PEX3: variants seen among roughly 807,000 people sequenced by gnomAD.
PEX3 encodes the protein peroxisomal biogenesis factor 3, also known as peroxin-3.
In PEX3, 30 loss-of-function variants were observed where a neutral mutation model predicts 55.8. That is an observed-to-expected ratio of 0.54 (90% CI 0.40 to 0.73). The LOEUF (loss-of-function observed/expected upper bound fraction) is 0.73. Ranked by LOEUF, PEX3 falls within the 30% of genes least tolerant of loss-of-function variation. The pLI is 0.00. For missense variants in PEX3, 351 were observed against 432.8 expected, an observed-to-expected ratio of 0.81 and a Z score of 1.68; for synonymous variants, 135 against 148.4, an observed-to-expected ratio of 0.91 and a Z score of 0.66.
intron 4 of PEX3, 101 bp from the exon 5 acceptor site, chr6:143,470,860 T>G: frequency 1.1e-6 from 1 of 920,270 alleles, no homozygotes; most frequent in Non-Finnish European, 1.7e-6. Flanking sequence ...TGTAAATATG[T>G]TTTTAAAAGT....
intron 2 of PEX3, among the ~76,000 whole-genome samples, chr6:143,461,570 T>C (rs1292387672): frequency 1.4e-5 from 2 of 140,558 alleles, no homozygotes; most frequent in African/African-American, 3.0e-5. Flanking sequence ...TAAGATGTAA[T>C]TGATATACTA....
chr6:143,477,700 T>C (rs1302900037), intron 9 of PEX3, among the ~76,000 whole-genome samples: 2 of 152,166 alleles, frequency 1.3e-5, no homozygotes, highest in Admixed American at 1.3e-4. Context: ...CTAACATTTT[T>C]GAGTGCTTAT....
intron 4 of PEX3, among the ~76,000 whole-genome samples, chr6:143,469,587 G>GA (rs1187926593): frequency 2.0e-5 from 3 of 152,216 alleles, no homozygotes; most frequent in Non-Finnish European, 2.9e-5. Flanking sequence ...CCCTTTGTCA[G>GA]ATGGGTAGAT....
At chr6:143,461,766 G>A (rs1779924071) in intron 2 of PEX3, among the ~76,000 whole-genome samples, 1 of 152,104 alleles carries the variant, frequency 6.6e-6, no homozygotes, top group African/African-American at 2.4e-5. Flanking sequence ...GAGCAACATA[G>A]TGAGACCTCA....
rs1779934494 is a variant in PEX3, at chr6:143,462,405, C to T, written c.206-511C>T. On this transcript the variant is annotated intron_variant, in intron 2 of 11. Coordinates refer to ENST00000367591, the MANE Select transcript of PEX3 (RefSeq NM_003630.3). This position sits in a 1 kb window ranked among gnomAD's most constrained non-coding sequence, Gnocchi z 4.1. ...AACTCAGCAACTCTTAGTTCCTAAC[C>T]CAGTGCACTTTTGTCTAGGTTATAA... Among the ~76,000 whole-genome samples, 1 of 152,122 alleles carries T rather than the reference C, an allele frequency of 6.6e-6. No individual in the cohort carries two copies. The highest frequency in any genetic ancestry group is 2.1e-4 in the South Asian group (1 of 4,814).
chr6:143,463,039 TAA>T lies in PEX3; in HGVS notation c.287+44_287+45del, dbSNP rs1299873839. On this transcript the variant is annotated intron_variant, in intron 3 of 11. Coordinates refer to ENST00000367591, the MANE Select transcript of PEX3 (RefSeq NM_003630.3). The surrounding 1 kb of genome is among the most constrained non-coding windows in gnomAD (Gnocchi z 5.7). ...GCATTTTCTGTTTAAGCACTACACT[TAA>T]AGTTTATAGAATGAACTGATAGACT... is the stretch of plus-strand genomic sequence containing the variant. The T allele has an allele frequency of 5.8e-6, 8 of 1,374,552 alleles. No individual in the cohort carries two copies. 85.1% of individuals were successfully genotyped at this position (1,374,552 alleles called of 1,614,324 possible).
Position 143,453,890 on chromosome 6 carries a change from T to G in PEX3, c.73+2775T>G, listed in dbSNP as rs1021468921. ...ACTGAGCCTGGCATAATTTGACCAG[T>G]TTGTGAAAAGACTAGAGAATTGACT... On this transcript the variant is annotated intron_variant, in intron 1 of 11. Transcript: ENST00000367591. This position sits in a 1 kb window ranked among gnomAD's most constrained non-coding sequence, Gnocchi z 4.6. Among the ~76,000 whole-genome samples, 1 of 152,128 alleles carries G rather than the reference T, an allele frequency of 6.6e-6. No individual in the cohort carries two copies. The highest frequency in any genetic ancestry group is 2.4e-5 in the African/African-American group (1 of 41,422).
rs910548400 is a variant in PEX3, at chr6:143,451,326, C to T, written c.73+211C>T. On this transcript the variant is annotated intron_variant, in intron 1 of 11. Coordinates refer to ENST00000367591, the MANE Select transcript of PEX3 (RefSeq NM_003630.3). The surrounding 1 kb of genome is among the most constrained non-coding windows in gnomAD (Gnocchi z 4.1). ...TCTGTGCCCTTTGCCCTGTCACCGA[C>T]TCTTAACTCTGTTTCTCACCTATCC... 6.6e-6 allele frequency among the ~76,000 whole-genome samples: 1 copy of T among 152,156 alleles called. No individual in the cohort carries two copies. The highest frequency in any genetic ancestry group is 1.9e-4 in the East Asian group (1 of 5,188).
rs1387474916 is a variant in PEX3, at chr6:143,486,542, A to G, written c.1038+1294A>G. Among the ~76,000 whole-genome samples the G allele has an allele frequency of 6.6e-6, 1 of 152,174 alleles. No homozygotes were observed. Among genetic ancestry groups the G allele is most frequent in the Non-Finnish European group, 1.5e-5 (1 of 67,998 alleles). ...TTTACTGTAACTGGATGTATATTAAATGTATATACTAGACCATTGATTGAC... is the reference window on the plus strand; with the variant it reads ...TTTACTGTAACTGGATGTATATTAAGTGTATATACTAGACCATTGATTGAC... On this transcript the variant is annotated intron_variant, in intron 11 of 11. Transcript: ENST00000367591. This position sits in a 1 kb window ranked among gnomAD's most constrained non-coding sequence, Gnocchi z 5.0.
Position 143,464,173 on chromosome 6 carries a change from C to T in PEX3, c.287+1176C>T, listed in dbSNP as rs911085876. On this transcript the variant is annotated intron_variant, in intron 3 of 11. Transcript: ENST00000367591. This position sits in a 1 kb window ranked among gnomAD's most constrained non-coding sequence, Gnocchi z 5.8. Reference sequence around the variant, plus strand: ...AATAAATAATTACCATTTGTGTGTACATAGGTAGGAATTGAAAAGAAGTAG... The same window carrying T: ...AATAAATAATTACCATTTGTGTGTATATAGGTAGGAATTGAAAAGAAGTAG... Among the ~76,000 whole-genome samples, 5 of 151,964 alleles carry T rather than the reference C, an allele frequency of 3.3e-5. No homozygotes were observed. The highest frequency in any genetic ancestry group is 6.6e-5 in the Admixed American group (1 of 15,246).
chr6:143,457,126 A>G lies in PEX3; in HGVS notation c.74-1959A>G, dbSNP rs3804537. On this transcript the variant is annotated intron_variant, in intron 1 of 11. Transcript: ENST00000367591. ...GTCATCTTAGTGTTGATTTTACAGT[A>G]TAATTTGAGAAATAATCATTTTACA... is the stretch of plus-strand genomic sequence containing the variant. Among the ~76,000 whole-genome samples, 88 of 152,350 alleles carry G rather than the reference A, an allele frequency of 5.8e-4. 1 individual carries two copies. The East Asian group carries it at 0.016, about 28-fold the overall frequency.
Position 143,459,840 on chromosome 6 carries a change from A to G in PEX3, c.205+624A>G, listed in dbSNP as rs1223530256. 2.0e-5 allele frequency among the ~76,000 whole-genome samples: 3 copies of G among 152,238 alleles called. No homozygotes were observed. The highest frequency in any genetic ancestry group is 7.2e-5 in the African/African-American group (3 of 41,460). Reference sequence around the variant, plus strand: ...AAGAGTCATTAAGTTTATTAAATTTACAGTAGGCAACTATAGACCTGTGAG... The same window carrying G: ...AAGAGTCATTAAGTTTATTAAATTTGCAGTAGGCAACTATAGACCTGTGAG... On this transcript the variant is annotated intron_variant, in intron 2 of 11. Transcript: ENST00000367591. This position sits in a 1 kb window ranked among gnomAD's most constrained non-coding sequence, Gnocchi z 4.2.
At chr6:143,461,821 G>A (rs1051380886) in intron 2 of PEX3, among the ~76,000 whole-genome samples, 1 of 152,068 alleles carries the variant, frequency 6.6e-6, no homozygotes, top group South Asian at 2.1e-4. Context: ...GGAGGCCCAC[G>A]CCTCTAGTCC....
rs972359640 is a variant in PEX3 at position 143,459,606 on chromosome 6, T to C, written c.205+390T>C. ...AACGTTCTTTAAGACAGGGGATCAGTAGAGTCAGGTTTCTTTGAGGTAACA... is the reference window on the plus strand; with the variant it reads ...AACGTTCTTTAAGACAGGGGATCAGCAGAGTCAGGTTTCTTTGAGGTAACA... On this transcript the variant is annotated intron_variant, in intron 2 of 11. Coordinates refer to ENST00000367591, the MANE Select transcript of PEX3 (RefSeq NM_003630.3). The surrounding 1 kb of genome is among the most constrained non-coding windows in gnomAD (Gnocchi z 4.2). Among the ~76,000 whole-genome samples the C allele has an allele frequency of 2.0e-5, 3 of 152,052 alleles. No homozygotes were observed. The highest frequency in any genetic ancestry group is 7.3e-5 in the African/African-American group (3 of 41,374).
chr6:143,470,308 C>G (rs113760753), intron 4 of PEX3, among the ~76,000 whole-genome samples: 1,635 of 152,252 alleles, frequency 0.011, 24 homozygotes, highest in African/African-American at 0.037. Flanking sequence ...TCTTCACTCC[C>G]TCACGCTTTG....
Position 143,459,216 on chromosome 6 carries a change from G to C in PEX3, c.205G>C (p.Val69Leu), listed in dbSNP as rs192493656. ...TAACCAGAGGACTTGCAATATGACA[G>C]GTAAGACAGAGAAATATTTATACAT... ...ESNQRTCNMT[V>L]LSMLPTLREA... Residue 69 changes from valine to leucine, a missense_variant and splice_region_variant, in exon 2 of 12, where the codon GTG (valine) becomes CTG (leucine). Coordinates refer to ENST00000367591, the MANE Select transcript of PEX3 (RefSeq NM_003630.3). This position sits in a 1 kb window ranked among gnomAD's most constrained non-coding sequence, Gnocchi z 4.2. The C allele has an allele frequency of 6.2e-7, 1 of 1,611,486 alleles. No individual in the cohort carries two copies. Among genetic ancestry groups the C allele is most frequent in the Non-Finnish European group, 8.5e-7 (1 of 1,177,862 alleles).
Position 143,465,437 on chromosome 6 carries a change from T to G in PEX3, c.287+2440T>G, listed in dbSNP as rs1412753788. On this transcript the variant is annotated intron_variant, in intron 3 of 11. Transcript: ENST00000367591. The surrounding 1 kb of genome is among the most constrained non-coding windows in gnomAD (Gnocchi z 4.7). ...CAGTTTTTTGTTCGTTTGGTTTTGGTTTTTTTTTAGATAGAGTCTTACTCT... is the reference window on the plus strand; with the variant it reads ...CAGTTTTTTGTTCGTTTGGTTTTGGGTTTTTTTTAGATAGAGTCTTACTCT... Among the ~76,000 whole-genome samples the G allele has an allele frequency of 2.6e-5, 4 of 151,166 alleles. No individual in the cohort carries two copies. Among genetic ancestry groups the G allele is most frequent in the Non-Finnish European group, 3.0e-5 (2 of 67,648 alleles).
In PEX3 at chr6:143,451,002, G is replaced by C. The variant is rs773548598; in HGVS notation, c.-41G>C. On this transcript the variant is annotated 5_prime_UTR_variant, in exon 1 of 12. Transcript: ENST00000367591. This position sits in a 1 kb window ranked among gnomAD's most constrained non-coding sequence, Gnocchi z 4.1. ...GAAGAAACAGTTTCCTGGTGAAGCA[G>C]TCCCTCACCCCTAGTCAGCCCACAC... The C allele has an allele frequency of 2.1e-6, 3 of 1,405,628 alleles. No individual in the cohort carries two copies. Among genetic ancestry groups the C allele is most frequent in the South Asian group, 2.3e-5 (2 of 86,926 alleles). 87.1% of individuals were successfully genotyped at this position (1,405,628 alleles called of 1,614,324 possible).
Position 143,468,169 on chromosome 6 carries a change from A to G in PEX3, c.331+4A>G. On this transcript the variant is annotated splice_donor_region_variant and intron_variant, in intron 4 of 11. Transcript: ENST00000367591. ...TGGGAGGATCTGAAGATAATAAGTA[A>G]GCCTGCATATTCTGTGTGACAGCAC... The G allele has an allele frequency of 6.3e-7, 1 of 1,581,746 alleles. No individual in the cohort carries two copies. The highest frequency in any genetic ancestry group is 8.7e-7 in the Non-Finnish European group (1 of 1,151,492).
Sources: allele counts gnomAD v4.1 joint callset (sites outside exome capture counted in the v4.1 genomes callset), GRCh38; gene constraint gnomAD v4.1.1; non-coding constraint Gnocchi (gnomAD v3.1); transcripts MANE v1.5; gene names NCBI Gene and HGNC (gene_info 2026-07-23, HGNC 2026-07-21).